The following CTNNA3 variants were observed in gnomAD, a reference collection of about 807,000 sequenced individuals.
CTNNA3 encodes catenin alpha-3.
Under a neutral mutation model 95.7 loss-of-function variants are expected in CTNNA3, and 76 were observed. The ratio of observed to expected loss-of-function variants is 0.79; its 90% CI spans 0.66 to 0.96. The LOEUF (loss-of-function observed/expected upper bound fraction) is 0.96. CTNNA3 is among the 40% of genes least tolerant of loss of function. The pLI, the probability that CTNNA3 is intolerant of heterozygous loss-of-function variation, is 0.00. For missense variants in CTNNA3, 1,191 were observed against 1,089.8 expected (o/e 1.09, Z -1.31); for synonymous variants, 431 against 374.4 (o/e 1.15, Z -1.74).
intron 7 of CTNNA3, among the ~76,000 whole-genome samples, chr10:67,021,576 T>C (rs1345851975): frequency 1.3e-5 from 2 of 152,062 alleles, no homozygotes; most frequent in Non-Finnish European, 2.9e-5. Context: ...AAAATTATAA[T>C]CATGAAAGTT....
At chr10:66,118,292 A>G (rs1255109715) in intron 13 of CTNNA3, 2 of 152,102 alleles carry the variant, frequency 1.3e-5, no homozygotes, top group Non-Finnish European at 2.9e-5. Context: ...GGATTTATCC[A>G]GTAGTCTTAG....
At chr10:67,487,994 C>T (rs547548022) in intron 5 of CTNNA3, among the ~76,000 whole-genome samples, 27 of 152,258 alleles carry the variant, frequency 1.8e-4, no homozygotes, top group African/African-American at 6.5e-4. Flanking sequence ...AGGAGAGCAT[C>T]CCGCTCACAC....
chr10:67,618,270 A>C (rs1196122475), intron 2 of CTNNA3, among the ~76,000 whole-genome samples: 1 of 152,212 alleles, frequency 6.6e-6, no homozygotes, highest in Non-Finnish European at 1.5e-5. Context: ...AGTTGACTGC[A>C]CATGTAATAG....
chr10:66,480,985 G>C (rs1839503205), intron 11 of CTNNA3, among the ~76,000 whole-genome samples: 1 of 152,100 alleles, frequency 6.6e-6, no homozygotes, highest in East Asian at 1.9e-4. Context: ...ATTCATGAAT[G>C]AAAACTGACT....
intron 11 of CTNNA3, among the ~76,000 whole-genome samples, chr10:66,434,919 A>G (rs1342395307): frequency 1.3e-5 from 2 of 149,092 alleles, no homozygotes; most frequent in Non-Finnish European, 3.0e-5. Context: ...TTTTTTTTTC[A>G]TTGGTTCTGT....
intron 13 of CTNNA3, among the ~76,000 whole-genome samples, chr10:66,232,246 C>A (rs1285394949): frequency 6.6e-6 from 1 of 152,050 alleles, no homozygotes; most frequent in East Asian, 1.9e-4. Flanking sequence ...TTGTTTTAAG[C>A]TGATAAATTT....
At chr10:66,800,514 C>T (rs182271010) in intron 7 of CTNNA3, among the ~76,000 whole-genome samples, 201 of 150,886 alleles carry the variant, frequency 1.3e-3, no homozygotes, top group South Asian at 5.6e-3. Flanking sequence ...ATTTGAGACA[C>T]TTATCTATGA....
At chr10:67,080,529 T>C (rs1427478280) in intron 7 of CTNNA3, among the ~76,000 whole-genome samples, 2 of 152,214 alleles carry the variant, frequency 1.3e-5, no homozygotes, top group East Asian at 1.9e-4. Context: ...ATTTATGTTT[T>C]ATTATTTATC....
chr10:65,968,565 G>A (rs1399116930), intron 16 of CTNNA3, among the ~76,000 whole-genome samples: 1 of 152,020 alleles, frequency 6.6e-6, no homozygotes, highest in East Asian at 1.9e-4. Context: ...CCCTTTCTGT[G>A]CATAGATTGT....
chr10:66,614,869 T>C (rs1358870977), intron 10 of CTNNA3, among the ~76,000 whole-genome samples: 1 of 152,034 alleles, frequency 6.6e-6, no homozygotes, highest in Non-Finnish European at 1.5e-5. Flanking sequence ...AGGGTTTGCC[T>C]AATTGAATGT....
chr10:66,256,462 G>A (rs1403991272), intron 13 of CTNNA3, among the ~76,000 whole-genome samples: 1 of 152,204 alleles, frequency 6.6e-6, no homozygotes, highest in African/African-American at 2.4e-5. Flanking sequence ...GCTCATGCCT[G>A]TAATCCCAGC....
chr10:66,360,248 T>TAC (rs1239734927), intron 12 of CTNNA3, among the ~76,000 whole-genome samples: 1 of 152,106 alleles, frequency 6.6e-6, no homozygotes, highest in African/African-American at 2.4e-5. Flanking sequence ...CATGTAGCTT[T>TAC]ACATTATTCA....
intron 1 of CTNNA3, among the ~76,000 whole-genome samples, chr10:67,748,407 C>T (rs1047518766): frequency 6.6e-6 from 1 of 152,312 alleles, no homozygotes; most frequent in East Asian, 1.9e-4. Context: ...GCAGACCTCT[C>T]AGCAGAAGCC....
intron 7 of CTNNA3, among the ~76,000 whole-genome samples, chr10:67,145,017 T>C (rs926111252): frequency 6.6e-6 from 1 of 152,138 alleles, no homozygotes; most frequent in African/African-American, 2.4e-5. Context: ...TTACTTGGCC[T>C]AATTTCAATA....
intron 13 of CTNNA3, among the ~76,000 whole-genome samples, chr10:66,234,967 GAAGTGA>G (rs2132021456): frequency 6.6e-6 from 1 of 152,308 alleles, no homozygotes; most frequent in South Asian, 2.1e-4. Context: ...ATATGACAAG[GAAGTGA>G]AAGTAGTCTC....
chr10:67,684,289 ACAGAGTGCTGATTGGTGCATTTTTG>A (rs987220001), intron 1 of CTNNA3, among the ~76,000 whole-genome samples: 6 of 152,218 alleles, frequency 3.9e-5, no homozygotes, highest in Admixed American at 2.0e-4. Context: ...TTAGCTAGAC[ACAGAGTGCTGATTGGTGCATTTTTG>A]CAGAGTGCTG....
In CTNNA3 at chr10:67,392,426, G is replaced by A. The variant is rs1302403850; in HGVS notation, c.579+129416C>T. Among the ~76,000 whole-genome samples, 5 of 152,302 alleles carry A rather than the reference G, an allele frequency of 3.3e-5. No individual in the cohort carries two copies. In the East Asian group the frequency reaches 9.6e-4, roughly 29 times the overall value. ...AAACAACAGGTGCTGGAGAAGATGT[G>A]GAGAAATAGGAACACTTTTACACTG... On this transcript the variant is annotated intron_variant, in intron 5 of 17. Transcript: ENST00000433211.
intron 5 of CTNNA3, among the ~76,000 whole-genome samples, chr10:67,468,734 T>C (rs79821259): frequency 0.07 from 10,587 of 152,226 alleles, 447 homozygotes; most frequent in South Asian, 0.14. Context: ...AGTCACACAA[T>C]GGAATCAGCT....
At chr10:66,115,921 A>T (rs2082325948) in intron 13 of CTNNA3, among the ~76,000 whole-genome samples, 1 of 152,178 alleles carries the variant, frequency 6.6e-6, no homozygotes, top group Non-Finnish European at 1.5e-5. Flanking sequence ...GATCTATATT[A>T]GACTTTTGGA....
Sources: allele counts gnomAD v4.1 joint callset (sites outside exome capture counted in the v4.1 genomes callset), GRCh38; gene constraint gnomAD v4.1.1; transcripts MANE v1.5; gene names NCBI Gene and HGNC (gene_info 2026-07-23, HGNC 2026-07-21).